The following EPHB1 variants were observed in gnomAD, a reference collection of about 807,000 sequenced individuals.
The protein encoded by EPHB1 is EPH receptor B1, also known as ephrin type-B receptor 1.
EPHB1 carries 30 observed loss-of-function variants against 94.4 expected under a neutral mutation model. That is an observed-to-expected ratio of 0.32 (90% CI 0.24 to 0.43). The LOEUF is 0.43. EPHB1 is among the 20% of genes least tolerant of loss of function. The pLI, the probability that EPHB1 is intolerant of heterozygous loss-of-function variation, is 1.00. For missense variants in EPHB1, 1,055 were observed against 1,308.3 expected (o/e 0.81, Z 2.99); for synonymous variants, 522 against 489.1 (o/e 1.07, Z -0.89).
At chr3:135,258,119 T>C (rs1256603811) in intron 15 of EPHB1, among the ~76,000 whole-genome samples, 1 of 152,176 alleles carries the variant, frequency 6.6e-6, no homozygotes, top group Non-Finnish European at 1.5e-5. Context: ...CACTCCCTAG[T>C]GAGATGAACC....
intron 6 of EPHB1, among the ~76,000 whole-genome samples, chr3:135,157,981 T>C (rs1471138623): frequency 6.6e-6 from 1 of 152,158 alleles, no homozygotes; most frequent in African/African-American, 2.4e-5. Flanking sequence ...GAACCAGAAC[T>C]TTACACATTT....
At chr3:134,908,529 T>C (rs1249763657) in intron 1 of EPHB1, among the ~76,000 whole-genome samples, 1 of 152,240 alleles carries the variant, frequency 6.6e-6, no homozygotes, top group Admixed American at 6.5e-5. Flanking sequence ...GTGAACCCAC[T>C]GGCCCATTGT....
chr3:135,178,134 G>A (rs4569682), intron 9 of EPHB1, among the ~76,000 whole-genome samples: 67,397 of 151,298 alleles, frequency 0.45, 15,488 homozygotes, highest in East Asian at 0.7. Flanking sequence ...TCTGGGCAGG[G>A]CACCTGGCCC....
intron 15 of EPHB1, among the ~76,000 whole-genome samples, chr3:135,252,231 A>ATACTT (rs373712870): frequency 1.3e-3 from 198 of 151,252 alleles, no homozygotes; most frequent in African/African-American, 4.3e-3. Context: ...TTTTATTATT[A>ATACTT]TACTTTAAGT....
intron 13 of EPHB1, among the ~76,000 whole-genome samples, chr3:135,243,074 C>CAAAAAA (rs397933477): frequency 4.5e-4 from 44 of 98,064 alleles, no homozygotes; most frequent in East Asian, 9.4e-4. Flanking sequence ...GACCCTGTCT[C>CAAAAAA]AAAAAAAAAA....
At chr3:135,025,489 A>G (rs1476548864) in intron 3 of EPHB1, among the ~76,000 whole-genome samples, 1 of 75,420 alleles carries the variant, frequency 1.3e-5, no homozygotes, top group Admixed American at 2.0e-4. Context: ...GCGATAGTTT[A>G]CTGAGAATGA....
intron 5 of EPHB1, among the ~76,000 whole-genome samples, chr3:135,152,541 G>C (rs148421951): frequency 5.1e-4 from 77 of 152,268 alleles, no homozygotes; most frequent in African/African-American, 1.8e-3. Context: ...GAGGAGGCTG[G>C]GAAAGCCATC....
intron 10 of EPHB1, among the ~76,000 whole-genome samples, chr3:135,190,314 A>G (rs958855195): frequency 8.5e-5 from 13 of 152,234 alleles, no homozygotes; most frequent in Non-Finnish European, 1.5e-4. Flanking sequence ...AAGAAATATT[A>G]ACACACCTTT....
intron 3 of EPHB1, among the ~76,000 whole-genome samples, chr3:135,068,917 G>C (rs976504674): frequency 2.6e-5 from 4 of 151,444 alleles, no homozygotes; most frequent in Admixed American, 6.6e-5. Flanking sequence ...CAAAGTGCTG[G>C]ATCAGGTAAT....
intron 4 of EPHB1, among the ~76,000 whole-genome samples, chr3:135,109,292 T>C (rs1939345188): frequency 1.3e-5 from 2 of 152,222 alleles, no homozygotes; most frequent in African/African-American, 4.8e-5. Flanking sequence ...AGTTTCAAAC[T>C]TGATTCTGTC....
intron 1 of EPHB1, among the ~76,000 whole-genome samples, chr3:134,920,622 T>C (rs745385669): frequency 6.6e-6 from 1 of 152,258 alleles, no homozygotes; most frequent in Non-Finnish European, 1.5e-5. Flanking sequence ...ATCTGATTAA[T>C]GTCTCTCCAA....
chr3:134,804,847 C>T (rs1273081071), intron 1 of EPHB1, among the ~76,000 whole-genome samples: 1 of 152,086 alleles, frequency 6.6e-6, no homozygotes, highest in African/African-American at 2.4e-5. Flanking sequence ...GAGAGAAATC[C>T]CTCAGCATCC....
At chr3:134,926,354 A>C (rs1437376273) in intron 2 of EPHB1, among the ~76,000 whole-genome samples, 2 of 152,186 alleles carry the variant, frequency 1.3e-5, no homozygotes, top group African/African-American at 4.8e-5. Context: ...ATCCTTGAGG[A>C]GCTCGTGGCC....
intron 3 of EPHB1, among the ~76,000 whole-genome samples, chr3:135,099,863 G>A (rs1221603292): frequency 4.6e-5 from 7 of 152,134 alleles, no homozygotes; most frequent in African/African-American, 1.7e-4. Flanking sequence ...ATAAAGGAAG[G>A]GGAGGTTGTA....
intron 1 of EPHB1, among the ~76,000 whole-genome samples, chr3:134,804,326 T>G (rs777325095): frequency 4.5e-4 from 69 of 152,046 alleles, no homozygotes; most frequent in Non-Finnish European, 8.7e-4. Flanking sequence ...CTCATGAGAC[T>G]TATTCATTAT....
intron 1 of EPHB1, among the ~76,000 whole-genome samples, chr3:134,832,271 G>A (rs1444296905): frequency 6.6e-6 from 1 of 152,236 alleles, no homozygotes; most frequent in Admixed American, 6.5e-5. Context: ...TGGTCAGGCT[G>A]TAGAGGGCCT....
chr3:134,795,871 G>A (rs1167286633), intron 1 of EPHB1, among the ~76,000 whole-genome samples, 182 bp downstream of exon 1: 1 of 152,232 alleles, frequency 6.6e-6, no homozygotes, highest in Non-Finnish European at 1.5e-5. Flanking sequence ...ACCCACCAGA[G>A]CGCCCCCGGC....
chr3:134,834,182 A>G (rs182025308), intron 1 of EPHB1, among the ~76,000 whole-genome samples: 13 of 152,284 alleles, frequency 8.5e-5, no homozygotes, highest in Admixed American at 7.8e-4. Context: ...AGCCCATAAC[A>G]AGGACCTTGA....
intron 12 of EPHB1, among the ~76,000 whole-genome samples, chr3:135,234,364 G>A (rs1270110596): frequency 3.3e-5 from 5 of 149,474 alleles, no homozygotes; most frequent in African/African-American, 4.8e-5. Context: ...CCTGGACTTC[G>A]CTGTCCATAT....
Sources: allele counts gnomAD v4.1 joint callset (sites outside exome capture counted in the v4.1 genomes callset), GRCh38; gene constraint gnomAD v4.1.1; transcripts MANE v1.5; gene names NCBI Gene and HGNC (gene_info 2026-07-23, HGNC 2026-07-21).